FHIT: variants seen among roughly 807,000 people sequenced by gnomAD.
The protein encoded by FHIT is bis(5'-adenosyl)-triphosphatase.
FHIT carries 19 observed loss-of-function variants against 17.9 expected under a neutral mutation model. The ratio of observed to expected loss-of-function variants is 1.06; its 90% confidence interval spans 0.74 to 1.56. The LOEUF is 1.56. Ranked by LOEUF, FHIT falls within the 40% of genes most tolerant of loss-of-function variation. The probability of loss-of-function intolerance (pLI) is 0.00; values close to 1 mark genes in which losing one functional copy is unlikely to be tolerated. For missense variants in FHIT, 248 were observed against 189.2 expected, an observed-to-expected ratio of 1.31 and a Z score of -1.82; for synonymous variants, 81 against 69.7, an observed-to-expected ratio of 1.16 and a Z score of -0.81.
chr3:60,260,882 A>C (rs1706256667), intron 5 of FHIT, among the ~76,000 whole-genome samples: 1 of 152,042 alleles, frequency 6.6e-6, no homozygotes, highest in African/African-American at 2.4e-5. Context: ...ACAATGCATC[A>C]GTGTGCTAAA....
At chr3:60,167,034 T>G (rs1701207072) in intron 5 of FHIT, among the ~76,000 whole-genome samples, 1 of 152,116 alleles carries the variant, frequency 6.6e-6, no homozygotes, top group South Asian at 2.1e-4. Flanking sequence ...GCATGGGAAC[T>G]CTCCCACCCC....
chr3:59,778,032 T>A (rs1702408620), intron 8 of FHIT, among the ~76,000 whole-genome samples: 2 of 152,302 alleles, frequency 1.3e-5, no homozygotes, highest in South Asian at 4.1e-4. Flanking sequence ...CTTCTCACTC[T>A]CTGAGATGTC....
At chr3:60,274,306 T>C (rs537378875) in intron 5 of FHIT, among the ~76,000 whole-genome samples, 51 of 152,292 alleles carry the variant, frequency 3.3e-4, no homozygotes, top group African/African-American at 1.0e-3. Context: ...TTCCACTCTC[T>C]TCCACTAAAT....
At chr3:60,925,339 C>T (rs1707531717) in intron 3 of FHIT, among the ~76,000 whole-genome samples, 1 of 152,144 alleles carries the variant, frequency 6.6e-6, no homozygotes, top group Admixed American at 6.5e-5. Flanking sequence ...AAGGGAAGCC[C>T]ATTCAGACTA....
chr3:61,202,519 AAAAG>A (rs2039058424), intron 1 of FHIT, among the ~76,000 whole-genome samples: 1 of 152,198 alleles, frequency 6.6e-6, no homozygotes, highest in Non-Finnish European at 1.5e-5. Flanking sequence ...TAAAAAAAAA[AAAAG>A]AGAGAGAGAA....
At chr3:59,796,986 T>C (rs1221867702) in intron 8 of FHIT, among the ~76,000 whole-genome samples, 1 of 152,196 alleles carries the variant, frequency 6.6e-6, no homozygotes, top group African/African-American at 2.4e-5. Flanking sequence ...ACTCTAAAAA[T>C]TTATTCCCCT....
intron 4 of FHIT, among the ~76,000 whole-genome samples, chr3:60,559,610 C>T (rs1462587812): frequency 2.0e-5 from 3 of 152,162 alleles, no homozygotes; most frequent in African/African-American, 7.2e-5. Context: ...TCCTCAAAAA[C>T]TGCCCCACAA....
intron 2 of FHIT, among the ~76,000 whole-genome samples, chr3:61,091,936 TAAAAAAAAAAA>T (rs58005720): frequency 6.5e-5 from 4 of 61,276 alleles, no homozygotes; most frequent in Admixed American, 2.3e-4. Flanking sequence ...AGACCTTGTC[TAAAAAAAAAAA>T]AAAAAAAAAA....
intron 5 of FHIT, among the ~76,000 whole-genome samples, chr3:60,097,185 G>C (rs1340517944): frequency 6.6e-6 from 1 of 151,936 alleles, no homozygotes. Flanking sequence ...CACCCAACTT[G>C]GACTGGCAAT....
intron 4 of FHIT, among the ~76,000 whole-genome samples, chr3:60,665,505 C>A (rs2040360354): frequency 6.6e-6 from 1 of 151,906 alleles, no homozygotes; most frequent in Non-Finnish European, 1.5e-5. Context: ...TGGATCCATT[C>A]TTTTATCATT....
At chr3:60,232,744 C>T (rs1704562508) in intron 5 of FHIT, among the ~76,000 whole-genome samples, 1 of 152,148 alleles carries the variant, frequency 6.6e-6, no homozygotes, top group East Asian at 1.9e-4. Context: ...GTTTGCTAAA[C>T]ACAGACAAGG....
intron 8 of FHIT, among the ~76,000 whole-genome samples, chr3:59,763,625 G>C (rs940190484): frequency 4.6e-5 from 7 of 152,222 alleles, no homozygotes; most frequent in African/African-American, 1.7e-4. Context: ...AGGAGAGAAG[G>C]CAGGCAGTTA....
chr3:61,054,824 T>C (rs1345246588), intron 2 of FHIT, among the ~76,000 whole-genome samples: 1 of 152,126 alleles, frequency 6.6e-6, no homozygotes, highest in Non-Finnish European at 1.5e-5. Flanking sequence ...TTTCCAGACC[T>C]ATAGCCAGGA....
chr3:61,203,681 T>A (rs1368468117), intron 1 of FHIT, among the ~76,000 whole-genome samples: 1 of 152,164 alleles, frequency 6.6e-6, no homozygotes, highest in Non-Finnish European at 1.5e-5. Context: ...TTTTTAGCAT[T>A]TGCCAATAAA....
intron 8 of FHIT, among the ~76,000 whole-genome samples, chr3:59,907,874 G>T (rs1351919601): frequency 6.6e-6 from 1 of 152,180 alleles, no homozygotes; most frequent in African/African-American, 2.4e-5. Flanking sequence ...GCTTCTAGAG[G>T]CTGCCTGAAT....
intron 4 of FHIT, among the ~76,000 whole-genome samples, chr3:60,805,266 C>A (rs1474074729): frequency 1.3e-5 from 2 of 152,168 alleles, no homozygotes; most frequent in Non-Finnish European, 2.9e-5. Flanking sequence ...GCTGCCATAA[C>A]AAAACACCAA....
chr3:60,494,427 T>C (rs967911800), intron 5 of FHIT, among the ~76,000 whole-genome samples: 5 of 150,768 alleles, frequency 3.3e-5, no homozygotes, highest in Non-Finnish European at 7.4e-5. Flanking sequence ...TCATGTAAAA[T>C]GGGGTATCCA....
intron 3 of FHIT, among the ~76,000 whole-genome samples, chr3:60,934,456 C>G (rs1868226): frequency 6.6e-6 from 1 of 151,918 alleles, no homozygotes; most frequent in Admixed American, 6.6e-5. Flanking sequence ...CCACTGCATG[C>G]CCTGAGGCCG....
chr3:59,985,999 G>C (rs1708881820), intron 7 of FHIT, among the ~76,000 whole-genome samples: 1 of 152,040 alleles, frequency 6.6e-6, no homozygotes, highest in African/African-American at 2.4e-5. Context: ...GATGGGGGAA[G>C]GAATGAGAGG....
Sources: gnomAD v4.1 joint callset for allele counts (sites outside exome capture counted in the v4.1 genomes callset) on GRCh38, gnomAD v4.1.1 for gene constraint, MANE v1.5 for transcripts, NCBI Gene and HGNC (gene_info 2026-07-23, HGNC 2026-07-21) for gene names.